Variants in ADAM32 observed in about 807,000 individuals in gnomAD.
ADAM32 encodes ADAM metallopeptidase domain 32, also known as disintegrin and metalloproteinase domain-containing protein 32.
In ADAM32, 89 loss-of-function variants were observed where a neutral mutation model predicts 114.9. The ratio of observed to expected loss-of-function variants is 0.77; its 90% CI spans 0.65 to 0.92. The LOEUF (loss-of-function observed/expected upper bound fraction) is 0.92, where lower values mean the gene tolerates loss of function less well. ADAM32 is among the 40% of genes least tolerant of loss of function. The pLI is 0.00. For missense variants in ADAM32, 870 were observed against 932.8 expected (o/e 0.93, Z 0.88); for synonymous variants, 285 against 307.5 (o/e 0.93, Z 0.77).
intron 2 of ADAM32, 109 bp downstream of exon 2, chr8:39,118,274 T>C (rs915831233): frequency 3.5e-6 from 2 of 570,004 alleles, no homozygotes; most frequent in African/African-American, 2.0e-5. Context: ...ATGTCTCTTG[T>C]ATTTCTACTG....
At chr8:39,195,295 G>A (rs76088300) in intron 11 of ADAM32, among the ~76,000 whole-genome samples, 11 of 152,182 alleles carry the variant, frequency 7.2e-5, no homozygotes, top group Admixed American at 2.0e-4. Context: ...TTTATTTGCC[G>A]TTGAGGTTTT....
At chr8:39,236,337 T>C (rs76253706) in intron 16 of ADAM32, among the ~76,000 whole-genome samples, 5,810 of 152,240 alleles carry the variant, frequency 0.038, 388 homozygotes, top group African/African-American at 0.13. Flanking sequence ...CAAGATATTC[T>C]TTGAACTGTG....
intron 19 of ADAM32, among the ~76,000 whole-genome samples, chr8:39,265,447 C>T (rs1204243965): frequency 1.3e-5 from 2 of 152,176 alleles, no homozygotes; most frequent in Non-Finnish European, 2.9e-5. Context: ...CTTCTTTATA[C>T]ACTTTGCCAC....
chr8:39,189,370 T>C (rs1435099592), intron 11 of ADAM32, among the ~76,000 whole-genome samples: 1 of 152,200 alleles, frequency 6.6e-6, no homozygotes, highest in Non-Finnish European at 1.5e-5. Context: ...AGCAAGAGAA[T>C]ATTCATATGT....
At chr8:39,127,272 C>G (rs1216817809) in intron 2 of ADAM32, among the ~76,000 whole-genome samples, 1 of 151,850 alleles carries the variant, frequency 6.6e-6, no homozygotes, top group Non-Finnish European at 1.5e-5. Context: ...CTTCTTTTTA[C>G]CTCTGGTAGA....
At chr8:39,210,475 T>A (rs1808134176) in intron 11 of ADAM32, among the ~76,000 whole-genome samples, 1 of 152,204 alleles carries the variant, frequency 6.6e-6, no homozygotes, top group African/African-American at 2.4e-5. Flanking sequence ...GGATGATCAC[T>A]GGAGGGTTCT....
At chr8:39,275,988 C>G in intron 22 of ADAM32, 122 bp downstream of exon 22, 1 of 891,992 alleles carries the variant, frequency 1.1e-6, no homozygotes, top group Non-Finnish European at 1.6e-6. Context: ...TAGTAAAGTA[C>G]TGTACCTTAA....
intron 9 of ADAM32, chr8:39,167,977 A>G (rs936349782): frequency 6.6e-6 from 1 of 152,184 alleles, no homozygotes; most frequent in Non-Finnish European, 1.5e-5. Context: ...TGATCGTATC[A>G]TCACCAAACG....
chr8:39,173,307 A>G (rs780259783), intron 10 of ADAM32, among the ~76,000 whole-genome samples: 2 of 151,994 alleles, frequency 1.3e-5, no homozygotes, highest in South Asian at 2.1e-4. Context: ...ACATATTCCT[A>G]TTTCTCCATA....
intron 24 of ADAM32, 67 bp from the exon 25 acceptor site, chr8:39,284,726 G>A: frequency 6.3e-7 from 1 of 1,577,094 alleles, no homozygotes; most frequent in Admixed American, 1.7e-5. Context: ...TACCTCAGCT[G>A]CTTGTACAGT....
At chr8:39,182,125 C>T (rs1038856407) in intron 10 of ADAM32, among the ~76,000 whole-genome samples, 4 of 152,062 alleles carry the variant, frequency 2.6e-5, no homozygotes, top group African/African-American at 7.2e-5. Context: ...GACCAATAGA[C>T]CAGAGAGTTC....
chr8:39,221,406 A>AG lies in ADAM32; in HGVS notation c.1234-202dup, dbSNP rs563587202. 8.3e-4 allele frequency: 421 copies of AG among 508,842 alleles called. 1 individual carries two copies. Among genetic ancestry groups the AG allele is most frequent in the Non-Finnish European group, 1.3e-3 (382 of 284,334 alleles). 31.5% of individuals were successfully genotyped at this position (508,842 alleles called of 1,614,324 possible). On this transcript the variant is annotated intron_variant, in intron 12 of 24. Transcript: ENST00000379907. ...GAATATAGTCCAGAGGAAGGTAAGT[A>AG]GGTTACTAGTTACTCTCTTGTGACT...
At chr8:39,245,768 C>T (rs763944254) in intron 16 of ADAM32, among the ~76,000 whole-genome samples, 1 of 152,088 alleles carries the variant, frequency 6.6e-6, no homozygotes, top group Non-Finnish European at 1.5e-5. Flanking sequence ...ATATAATATC[C>T]TTATTTAGAT....
chr8:39,160,539 CAAAAAAAAAAAAAAAAAAAAA>C, intron 6 of ADAM32, among the ~76,000 whole-genome samples: 2 of 68,388 alleles, frequency 2.9e-5, no homozygotes, highest in South Asian at 1.4e-3. Context: ...GACTCCATCT[CAAAAAAAAAAAAAAAAAAAAA>C]AAAAAAAAAA....
intron 11 of ADAM32, among the ~76,000 whole-genome samples, chr8:39,200,239 C>T (rs1167731253): frequency 1.3e-5 from 2 of 152,218 alleles, no homozygotes; most frequent in Non-Finnish European, 2.9e-5. Context: ...GTCCCACCAA[C>T]AGTGTAAAAA....
chr8:39,107,949 C>T, intron 1 of ADAM32, 116 bp downstream of exon 1: 1 of 1,337,324 alleles, frequency 7.5e-7, no homozygotes, highest in Non-Finnish European at 9.8e-7. Flanking sequence ...ACCCTGGCAA[C>T]GGGGCCTTTT....
rs556777946 is a variant in ADAM32, at chr8:39,219,183, C to T, written c.1234-2427C>T. 3.4e-4 allele frequency among the ~76,000 whole-genome samples: 51 copies of T among 152,108 alleles called. No homozygotes were observed. The South Asian group carries it at 6.2e-3, about 19-fold the overall frequency. On this transcript the variant is annotated intron_variant, in intron 12 of 24. Coordinates refer to ENST00000379907, the MANE Select transcript of ADAM32 (RefSeq NM_145004.7). Reference sequence around the variant, plus strand: ...TTCCCTTTTCTCTCAACCAGAAGGACGGGGTCTTTTTGGCGCTGTGCACTC... The same window carrying T: ...TTCCCTTTTCTCTCAACCAGAAGGATGGGGTCTTTTTGGCGCTGTGCACTC...
At chr8:39,221,571 C>A in intron 12 of ADAM32, 39 bp from the exon 13 acceptor site, 2 of 1,474,422 alleles carry the variant, frequency 1.4e-6, no homozygotes, top group South Asian at 1.2e-5. Context: ...TTACTATTGT[C>A]ATGATGTATT....
chr8:39,110,440 C>T (rs187106748), intron 1 of ADAM32, among the ~76,000 whole-genome samples: 58 of 151,658 alleles, frequency 3.8e-4, no homozygotes, highest in African/African-American at 1.3e-3. Context: ...ATCCATTTAC[C>T]TACCAAATGA....
Sources: gnomAD v4.1 joint callset for allele counts (sites outside exome capture counted in the v4.1 genomes callset) on GRCh38, gnomAD v4.1.1 for gene constraint, MANE v1.5 for transcripts, NCBI Gene and HGNC (gene_info 2026-07-23, HGNC 2026-07-21) for gene names.